Variants in SH2D1A observed in about 807,000 individuals in gnomAD.
The protein encoded by SH2D1A is SH2 domain containing 1A.
A neutral mutation model predicts 10.1 loss-of-function variants in SH2D1A; 6 were observed. That is an observed-to-expected ratio of 0.60 (90% CI 0.33 to 1.18). SH2D1A has a LOEUF of 1.18. Among genes scored for constraint, SH2D1A ranks in the 50% most tolerant of loss-of-function variants. The pLI is 0.04. For synonymous variants in SH2D1A, 42 were observed against 36.9 expected (o/e 1.14, Z -0.51); for missense variants, 51 against 97.6 (o/e 0.52, Z 2.01).
In SH2D1A at chrX:124,371,399, T is replaced by C. The variant is rs763590318; in HGVS notation, c.*8T>C. 3 of 1,099,495 alleles carry C rather than the reference T, an allele frequency of 2.7e-6. No individual in the cohort carries two copies. In the Admixed American group the frequency reaches 6.6e-5, roughly 24 times the overall value. 90.6% of individuals were successfully genotyped at this position (1,099,495 alleles called of 1,213,427 possible). A position where few individuals can be genotyped will look rare whatever the true frequency, so the allele number is the denominator to read the frequency against. ...TGCCTGAAAGCCCCATGAAGAAAAATAAAACACCTTGTACTTTATTTTCTA... is the reference window on the plus strand; with the variant it reads ...TGCCTGAAAGCCCCATGAAGAAAAACAAAACACCTTGTACTTTATTTTCTA... On this transcript the variant is annotated 3_prime_UTR_variant, in exon 4 of 4. Transcript: ENST00000371139.
chrX:124,364,254 G>A (rs2060048228), intron 1 of SH2D1A: 1 of 160,686 alleles, frequency 6.2e-6, no homozygotes, highest in Non-Finnish European at 1.2e-5. Flanking sequence ...CCTCTCTGTA[G>A]GCCTAGGCTA....
At chrX:124,366,828 GAAATT>G (rs1226579762) in intron 2 of SH2D1A, among the ~76,000 whole-genome samples, 1 of 105,206 alleles carries the variant, frequency 9.5e-6, no homozygotes, top group Non-Finnish European at 1.9e-5. Context: ...GATTGAATAA[GAAATT>G]AAACTTTATT....
At chrX:124,362,059 A>C (rs752004764) in intron 1 of SH2D1A, among the ~76,000 whole-genome samples, 2 of 111,909 alleles carry the variant, frequency 1.8e-5, no homozygotes, top group Admixed American at 1.9e-4. Context: ...CAGAAATATT[A>C]CCAGTTTGGA....
chrX:124,348,069 G>A (rs1157140446), intron 1 of SH2D1A, among the ~76,000 whole-genome samples: 1 of 111,900 alleles, frequency 8.9e-6, no homozygotes, highest in Non-Finnish European at 1.9e-5. Flanking sequence ...ACTGTATATT[G>A]TTTTTTAAAA....
rs1282269157 is a variant in SH2D1A at position 124,372,530 on chromosome X, TAAC to T, written c.*1142_*1144del. 1 of 169,868 alleles carries T rather than the reference TAAC, an allele frequency of 5.9e-6. No individual in the cohort carries two copies. The highest frequency in any genetic ancestry group is 1.1e-5 in the Non-Finnish European group (1 of 88,955). The allele number at this position is 169,868 out of a possible 1,213,427, so 14.0% of individuals were successfully genotyped here. On this transcript the variant is annotated 3_prime_UTR_variant, in exon 4 of 4. Transcript: ENST00000371139. ...AACGATAAAAGACAGTGAAAGAAAA[TAAC>T]AATAAAAGACAAGGAAAAAATAACA...
At chrX:124,347,764 G>T (rs1414384957) in intron 1 of SH2D1A, among the ~76,000 whole-genome samples, 1 of 111,067 alleles carries the variant, frequency 9.0e-6, no homozygotes, top group Non-Finnish European at 1.9e-5. Context: ...TAAGCTATTG[G>T]TATTATTATT....
chrX:124,356,943 G>A (rs1296262428), intron 1 of SH2D1A, among the ~76,000 whole-genome samples: 1 of 111,940 alleles, frequency 8.9e-6, no homozygotes, highest in East Asian at 2.8e-4. Flanking sequence ...GCTAAATTGG[G>A]ATAATTAGCA....
intron 2 of SH2D1A, among the ~76,000 whole-genome samples, chrX:124,368,214 G>A (rs1202801355): frequency 9.0e-6 from 1 of 111,216 alleles, no homozygotes; most frequent in Non-Finnish European, 1.9e-5. Flanking sequence ...GGAATGGCCC[G>A]ATCTCGGCTC....
rs1331750134 is a variant in SH2D1A at position 124,353,716 on chromosome X, C to T, written c.137+6937C>T. On this transcript the variant is annotated intron_variant, in intron 1 of 3. Transcript: ENST00000371139. ...TTTCCATAGTTGGCATCCTTCTGGA[C>T]ATATCTGCCTTTGTTTGCTACTTAT... 6.2e-5 allele frequency among the ~76,000 whole-genome samples: 7 copies of T among 112,066 alleles called. No individual in the cohort carries two copies. In the Admixed American group the frequency reaches 6.7e-4, roughly 11 times the overall value.
intron 1 of SH2D1A, among the ~76,000 whole-genome samples, chrX:124,362,451 C>T (rs950243950): frequency 3.6e-5 from 4 of 112,060 alleles, no homozygotes; most frequent in African/African-American, 1.3e-4. Flanking sequence ...GACCTGTGAC[C>T]CCTTTATTTC....
At chrX:124,369,306 G>C (rs1485143503) in intron 2 of SH2D1A, among the ~76,000 whole-genome samples, 1 of 111,674 alleles carries the variant, frequency 9.0e-6, no homozygotes, top group Non-Finnish European at 1.9e-5. Context: ...TAAAATGACA[G>C]GTTTGAGCTG....
chrX:124,355,471 T>C (rs1452067161), intron 1 of SH2D1A, among the ~76,000 whole-genome samples: 2 of 112,206 alleles, frequency 1.8e-5, no homozygotes, highest in African/African-American at 6.5e-5. Flanking sequence ...TTATTCATGT[T>C]CTGATTTTTT....
chrX:124,365,490 C>G (rs1201157156), intron 1 of SH2D1A, among the ~76,000 whole-genome samples: 2 of 110,043 alleles, frequency 1.8e-5, no homozygotes, highest in South Asian at 3.9e-4. Context: ...TCTTTCTGTC[C>G]AAATGGTCTC....
intron 1 of SH2D1A, chrX:124,364,416 GAA>G (rs1336658548): frequency 1.4e-5 from 4 of 281,413 alleles, no homozygotes; most frequent in Non-Finnish European, 2.7e-5. Flanking sequence ...TGTTTTAAGC[GAA>G]GTGTTATAAA....
At chrX:124,370,828 C>T (rs890645700) in intron 3 of SH2D1A, among the ~76,000 whole-genome samples, 9 of 112,057 alleles carry the variant, frequency 8.0e-5, no homozygotes, top group Admixed American at 7.6e-4. Flanking sequence ...AAATAGTGCA[C>T]TTTATTGTTC....
chrX:124,369,831 C>G (rs146436702), intron 2 of SH2D1A, among the ~76,000 whole-genome samples: 2 of 110,857 alleles, frequency 1.8e-5, no homozygotes, highest in African/African-American at 6.6e-5. Context: ...AACTGCATCC[C>G]CTCTGTTGGT....
chrX:124,348,013 G>A (rs2059998392), intron 1 of SH2D1A, among the ~76,000 whole-genome samples: 1 of 111,606 alleles, frequency 9.0e-6, no homozygotes, highest in African/African-American at 3.3e-5. Context: ...TACCTTATGG[G>A]TCAGTGAAGA....
chrX:124,356,050 T>TCTCCCC (rs1452082264), intron 1 of SH2D1A, among the ~76,000 whole-genome samples: 3 of 79,673 alleles, frequency 3.8e-5, no homozygotes, highest in Admixed American at 1.5e-4. Flanking sequence ...CCTAATGCTA[T>TCTCCCC]CCCTCCCCCC....
At chrX:124,360,640 A>G (rs1255641573) in intron 1 of SH2D1A, among the ~76,000 whole-genome samples, 1 of 101,767 alleles carries the variant, frequency 9.8e-6, no homozygotes, top group Non-Finnish European at 2.0e-5. Flanking sequence ...TGTCCTAACC[A>G]AAAGATCTCT....
Sources: gnomAD v4.1 joint callset for allele counts (sites outside exome capture counted in the v4.1 genomes callset) on GRCh38, gnomAD v4.1.1 for gene constraint, MANE v1.5 for transcripts, NCBI Gene and HGNC (gene_info 2026-07-23, HGNC 2026-07-21) for gene names.